MYO9B: variants seen among roughly 807,000 people sequenced by gnomAD.
MYO9B encodes the protein myosin IXB, also known as unconventional myosin-IXb.
MYO9B carries 71 observed loss-of-function variants against 229.5 expected under a neutral mutation model. The ratio of observed to expected loss-of-function variants is 0.31; its 90% CI spans 0.26 to 0.38. The LOEUF (loss-of-function observed/expected upper bound fraction) is 0.38, where lower values mean the gene tolerates loss of function less well. Ranked by LOEUF, MYO9B falls within the 10% of genes least tolerant of loss-of-function variation. MYO9B has a pLI of 1.00. For missense variants in MYO9B, 2,255 were observed against 2,920.5 expected, an observed-to-expected ratio of 0.77 and a Z score of 5.25; for synonymous variants, 1,185 against 1,235.8, an observed-to-expected ratio of 0.96 and a Z score of 0.86.
chr19:17,140,626 T>G (rs2072327401), intron 2 of MYO9B, among the ~76,000 whole-genome samples: 1 of 151,710 alleles, frequency 6.6e-6, no homozygotes, highest in African/African-American at 2.4e-5. Context: ...GTAGCTGGGA[T>G]TACAGGCATG....
At chr19:17,137,221 G>C (rs998499718) in intron 2 of MYO9B, among the ~76,000 whole-genome samples, 28 of 127,382 alleles carry the variant, frequency 2.2e-4, no homozygotes, top group Admixed American at 4.9e-4. Flanking sequence ...AGAGCAAACT[G>C]TCTCAAAAAA....
chr19:17,147,578 C>T (rs1452756749), intron 3 of MYO9B, among the ~76,000 whole-genome samples: 2 of 148,724 alleles, frequency 1.3e-5, no homozygotes, highest in Admixed American at 1.3e-4. Context: ...AACCAACCAA[C>T]CAAACAAGCA....
At chr19:17,087,437 G>A (rs1025123570) in intron 1 of MYO9B, among the ~76,000 whole-genome samples, 2 of 152,166 alleles carry the variant, frequency 1.3e-5, no homozygotes, top group Admixed American at 6.5e-5. Context: ...CAGAAGTCAC[G>A]AGAGAGCATT....
chr19:17,094,184 C>T (rs1013787494), intron 1 of MYO9B, among the ~76,000 whole-genome samples: 5 of 152,024 alleles, frequency 3.3e-5, no homozygotes, highest in Admixed American at 6.6e-5. Flanking sequence ...TACAGGCATG[C>T]GCCACCATGC....
intron 21 of MYO9B, 73 bp from the exon 22 acceptor site, chr19:17,194,483 C>A: frequency 1.3e-6 from 2 of 1,529,896 alleles, no homozygotes; most frequent in Non-Finnish European, 1.8e-6. Flanking sequence ...GGCTGGGGGT[C>A]CCATCGGAAC....
In MYO9B at chr19:17,135,711, G is replaced by C. The variant is rs181648828; in HGVS notation, c.841-9686G>C. 2.7e-3 allele frequency among the ~76,000 whole-genome samples: 417 copies of C among 152,134 alleles called. 3 individuals carry two copies. Among genetic ancestry groups the C allele is most frequent in the African/African-American group, 9.5e-3 (396 of 41,522 alleles). On this transcript the variant is annotated intron_variant, in intron 2 of 39. Transcript: ENST00000682292. ...TGGATAATTGGTGCACGGGGTAATC[G>C]GGTAATCGCAGAACCAGAAAGCCAG...
intron 35 of MYO9B, chr19:17,207,463 C>T (rs1414065196): frequency 2.7e-6 from 1 of 368,620 alleles, no homozygotes; most frequent in African/African-American, 2.1e-5. Context: ...CAAGACCCTA[C>T]AAAAAATTTG....
chr19:17,087,543 T>A (rs914008874), intron 1 of MYO9B, among the ~76,000 whole-genome samples: 3 of 152,192 alleles, frequency 2.0e-5, no homozygotes, highest in Admixed American at 1.3e-4. Flanking sequence ...AGTGTTCCAC[T>A]CAAGGTGTTC....
chr19:17,212,280 GC>G lies in MYO9B; in HGVS notation c.6450del (p.Ala2151ProfsTer12). 1.3e-6 allele frequency: 2 copies of G among 1,543,462 alleles called. No individual in the cohort carries two copies. Among genetic ancestry groups the G allele is most frequent in the Admixed American group, 2.1e-5 (1 of 47,900 alleles). ...ACTCGGATCCCCCAACGTACTGCCTGCCCCCCGCCTCGGGCCAGACCAATGG... is the reference window on the plus strand; with the variant it reads ...ACTCGGATCCCCCAACGTACTGCCTGCCCCCGCCTCGGGCCAGACCAATGG... ...RYSDPPTYCL[P>X]PASGQTNG On this transcript the variant is annotated frameshift_variant, in exon 40 of 40. Coordinates refer to ENST00000682292, the MANE Select transcript of MYO9B (RefSeq NM_004145.4). LOFTEE classifies it high-confidence loss of function. This position sits in a 1 kb window ranked among gnomAD's most constrained non-coding sequence, Gnocchi z 5.4.
At chr19:17,097,862 A>G (rs1430737482) in intron 1 of MYO9B, among the ~76,000 whole-genome samples, 1 of 152,192 alleles carries the variant, frequency 6.6e-6, no homozygotes, top group Non-Finnish European at 1.5e-5. Context: ...GTAATATTAC[A>G]GTCTGTGCCT....
At chr19:17,087,553 C>G (rs1469719654) in intron 1 of MYO9B, among the ~76,000 whole-genome samples, 2 of 152,214 alleles carry the variant, frequency 1.3e-5, no homozygotes, top group East Asian at 3.9e-4. Context: ...TCAAGGTGTT[C>G]TGCACTGGGC....
chr19:17,118,867 A>G (rs1263552750), intron 2 of MYO9B, among the ~76,000 whole-genome samples: 1 of 152,120 alleles, frequency 6.6e-6, no homozygotes, highest in Non-Finnish European at 1.5e-5. Context: ...GTAATTGTTA[A>G]TAAGATTGTC....
rs1161874422 is a variant in MYO9B, at chr19:17,207,195, G to A, written c.5575G>A (p.Asp1859Asn). 6.2e-7 allele frequency: 1 copy of A among 1,602,756 alleles called. No homozygotes were observed. Among genetic ancestry groups the A allele is most frequent in the Non-Finnish European group, 8.5e-7 (1 of 1,175,720 alleles). ...IFAPCLLRCP[D>N]NSDPLTSMKD... Reference sequence around the variant, plus strand: ...CGCACCCTGCCTCCTGCGCTGCCCTGACAACTCGGACCCGCTGACCAGCAT... The same window carrying A: ...CGCACCCTGCCTCCTGCGCTGCCCTAACAACTCGGACCCGCTGACCAGCAT... The change falls in exon 35 of 40, where the codon GAC becomes AAC. Residue 1859 changes from aspartate to asparagine, a missense_variant. Asp to Asn is a conservative substitution (Grantham distance 23, BLOSUM62 1). Around this residue, in one of 7 missense-constraint regions of MYO9B, gnomAD observed 416 missense variants for 605.5 expected, o/e 0.69. Coordinates refer to ENST00000682292, the MANE Select transcript of MYO9B (RefSeq NM_004145.4).
chr19:17,185,151 G>A (rs532963591), intron 17 of MYO9B, among the ~76,000 whole-genome samples, 164 bp downstream of exon 17: 22 of 152,188 alleles, frequency 1.4e-4, no homozygotes, highest in African/African-American at 3.1e-4. Flanking sequence ...CGAGGCGGGC[G>A]GATCACGAGG....
At chr19:17,210,423 G>A in intron 37 of MYO9B, 43 bp downstream of exon 37, 1 of 1,542,710 alleles carries the variant, frequency 6.5e-7, no homozygotes, top group Non-Finnish European at 8.8e-7. Flanking sequence ...GTCTCCCGGT[G>A]CAGTGCATGC....
At chr19:17,112,441 C>T (rs1377294282) in intron 2 of MYO9B, among the ~76,000 whole-genome samples, 3 of 152,164 alleles carry the variant, frequency 2.0e-5, no homozygotes, top group African/African-American at 4.8e-5. Context: ...GGGAGCAGGG[C>T]GGACGGGCCG....
intron 2 of MYO9B, among the ~76,000 whole-genome samples, chr19:17,133,430 G>A (rs60360805): frequency 1.3e-5 from 2 of 151,712 alleles, no homozygotes; most frequent in African/African-American, 2.4e-5. Flanking sequence ...CAACCCTGCC[G>A]CCACCCCCGG....
chr19:17,105,238 C>G (rs1006152826), intron 2 of MYO9B, among the ~76,000 whole-genome samples: 2 of 147,392 alleles, frequency 1.4e-5, no homozygotes, highest in African/African-American at 5.0e-5. Flanking sequence ...TCCCAGTGCA[C>G]TGGGAGGCCG....
intron 30 of MYO9B, among the ~76,000 whole-genome samples, chr19:17,203,780 A>T (rs1387626683): frequency 6.6e-6 from 1 of 151,816 alleles, no homozygotes; most frequent in Admixed American, 6.6e-5. Context: ...ACCCACCCAC[A>T]TCTGCAGCCT....
Sources: gnomAD v4.1 joint callset for allele counts (sites outside exome capture counted in the v4.1 genomes callset) on GRCh38, gnomAD v4.1.1 for gene constraint, gnomAD v4.1.1 regional missense constraint, Gnocchi (gnomAD v3.1) non-coding constraint, MANE v1.5 for transcripts, NCBI Gene and HGNC (gene_info 2026-07-23, HGNC 2026-07-21) for gene names.